BLNK: variants seen among roughly 807,000 people sequenced by gnomAD.
The protein encoded by BLNK is B-cell linker protein.
In BLNK, 29 loss-of-function variants were observed where a neutral mutation model predicts 73.5. The observed-to-expected ratio is 0.39, with a 90% confidence interval of 0.29 to 0.54. The LOEUF (loss-of-function observed/expected upper bound fraction) is 0.54. Ranked by LOEUF, BLNK falls within the 20% of genes least tolerant of loss-of-function variation. BLNK has a pLI of 0.61. For synonymous variants in BLNK, 176 were observed against 200.8 expected, an observed-to-expected ratio of 0.88 and a Z score of 1.04; for missense variants, 460 against 562.8, an observed-to-expected ratio of 0.82 and a Z score of 1.85.
chr10:96,196,867 A>G, intron 16 of BLNK, 41 bp downstream of exon 16: 1 of 1,591,714 alleles, frequency 6.3e-7, no homozygotes, highest in Non-Finnish European at 8.6e-7. Context: ...ATTATACTCA[A>G]TGCATAGTTA....
At chr10:96,256,318 C>T (rs1334782611) in intron 1 of BLNK, among the ~76,000 whole-genome samples, 5 of 152,030 alleles carry the variant, frequency 3.3e-5, no homozygotes, top group Non-Finnish European at 7.4e-5. Flanking sequence ...AAAAATGCAT[C>T]CATGAATACT....
At chr10:96,203,988 A>G (rs1015409404) in intron 13 of BLNK, 69 bp downstream of exon 13, 1 of 1,354,354 alleles carries the variant, frequency 7.4e-7, no homozygotes, top group African/African-American at 1.4e-5. Context: ...GTTAGAACCC[A>G]GGCCTATCAG....
At chr10:96,243,287 G>A (rs1289019433) in intron 2 of BLNK, among the ~76,000 whole-genome samples, 1 of 152,204 alleles carries the variant, frequency 6.6e-6, no homozygotes, top group African/African-American at 2.4e-5. Flanking sequence ...GCTCATTTCT[G>A]TAATCCCAGC....
At chr10:96,245,233 T>C (rs539167703) in intron 2 of BLNK, among the ~76,000 whole-genome samples, 2 of 152,298 alleles carry the variant, frequency 1.3e-5, no homozygotes, top group East Asian at 3.9e-4. Context: ...TTCTTATTTT[T>C]AATTTTAGCA....
chr10:96,248,799 TA>T, intron 1 of BLNK, among the ~76,000 whole-genome samples: 1 of 151,928 alleles, frequency 6.6e-6, no homozygotes, highest in East Asian at 1.9e-4. Flanking sequence ...CACAGACCCC[TA>T]AAAAAAAGAG....
At chr10:96,193,926 C>A (rs2083393063) in intron 16 of BLNK, among the ~76,000 whole-genome samples, 1 of 152,158 alleles carries the variant, frequency 6.6e-6, no homozygotes, top group Non-Finnish European at 1.5e-5. Flanking sequence ...GGGACATAAT[C>A]TTTTTATTAT....
intron 4 of BLNK, among the ~76,000 whole-genome samples, chr10:96,228,344 A>G (rs1282383913): frequency 6.6e-6 from 1 of 151,960 alleles, no homozygotes; most frequent in East Asian, 1.9e-4. Context: ...TGCAACCTCT[A>G]CTTCCTGGGT....
Position 96,242,848 on chromosome 10 carries a change from T to C in BLNK, c.114-64A>G, listed in dbSNP as rs966931931. The stretch of plus-strand genomic sequence containing the variant: ...GAACAATGATGGTCAAAGCCGATGC[T>C]AGAAGCTGATATAGACAGAATAGAT... On this transcript the variant is annotated intron_variant, in intron 2 of 16. Coordinates refer to ENST00000224337, the MANE Select transcript of BLNK (RefSeq NM_013314.4). The C allele has an allele frequency of 6.8e-6, 9 of 1,322,110 alleles. No homozygotes were observed. The African/African-American group carries it at 1.0e-4, about 15-fold the overall frequency. The allele number at this position is 1,322,110 out of a possible 1,614,324, so 81.9% of individuals were successfully genotyped here.
At chr10:96,223,071 C>T (rs1396450676) in intron 6 of BLNK, among the ~76,000 whole-genome samples, 3 of 152,154 alleles carry the variant, frequency 2.0e-5, no homozygotes, top group Non-Finnish European at 1.5e-5. Context: ...GGCAAGTGGG[C>T]TCAAGCATGC....
At chr10:96,227,799 A>G (rs77674477) in intron 4 of BLNK, among the ~76,000 whole-genome samples, 1,557 of 152,340 alleles carry the variant, frequency 0.01, 29 homozygotes, top group African/African-American at 0.036. Context: ...CACAGGAACT[A>G]CTTAACGCTA....
chr10:96,254,511 T>G lies in BLNK; in HGVS notation c.48-7462A>C, dbSNP rs529109713. 2.0e-3 allele frequency among the ~76,000 whole-genome samples: 262 copies of G among 128,870 alleles called. 1 individual carries two copies. Among genetic ancestry groups the G allele is most frequent in the African/African-American group, 8.0e-3 (243 of 30,382 alleles). 84.5% of individuals were successfully genotyped at this position (128,870 alleles called of 152,430 possible). A position where few individuals can be genotyped will look rare whatever the true frequency, so the allele number is the denominator to read the frequency against. ...CCTTCTTCAATGAGTTTTTTTTTTG[T>G]TTTGTTTTGTTTTTTTGAGATGAAG... On this transcript the variant is annotated intron_variant, in intron 1 of 16. Coordinates refer to ENST00000224337, the MANE Select transcript of BLNK (RefSeq NM_013314.4).
chr10:96,210,863 G>GTTTTT (rs377260098), intron 8 of BLNK, among the ~76,000 whole-genome samples: 97 of 121,940 alleles, frequency 8.0e-4, no homozygotes, highest in African/African-American at 1.3e-3. Context: ...CCACAATTCC[G>GTTTTT]TTTTTTTTTT....
chr10:96,218,383 T>A (rs1554900323), intron 6 of BLNK, among the ~76,000 whole-genome samples: 1 of 152,108 alleles, frequency 6.6e-6, no homozygotes. Flanking sequence ...TTTGCTCAAG[T>A]TGTCAAGTTT....
chr10:96,260,380 C>T (rs1843701640), intron 1 of BLNK, among the ~76,000 whole-genome samples: 1 of 152,214 alleles, frequency 6.6e-6, no homozygotes, highest in South Asian at 2.1e-4. Context: ...ACTGACGTCT[C>T]TTAAATCGAA....
At position 96,221,772 on chromosome 10, in the gene BLNK, C is replaced by T. The variant is rs1421416249; in HGVS notation, c.525+2054G>A. ...GCTGGTCTCCCCATCCTGTCCCCTCCCCTGCTCAGCTTCTCTTTGCCACCC... is the reference window on the plus strand; with the variant it reads ...GCTGGTCTCCCCATCCTGTCCCCTCTCCTGCTCAGCTTCTCTTTGCCACCC... On this transcript the variant is annotated intron_variant, in intron 6 of 16. Coordinates refer to ENST00000224337, the MANE Select transcript of BLNK (RefSeq NM_013314.4). Among the ~76,000 whole-genome samples the T allele has an allele frequency of 4.6e-5, 7 of 152,332 alleles. No homozygotes were observed. In the East Asian group the frequency reaches 1.3e-3, roughly 29 times the overall value.
chr10:96,239,345 A>G (rs1274827011), intron 3 of BLNK, among the ~76,000 whole-genome samples: 3 of 152,218 alleles, frequency 2.0e-5, no homozygotes, highest in African/African-American at 7.2e-5. Context: ...CTTCTAGTTC[A>G]GGCCTGCATA....
intron 3 of BLNK, chr10:96,238,783 A>G: frequency 5.0e-6 from 1 of 201,114 alleles, no homozygotes; most frequent in African/African-American, 2.3e-5. Flanking sequence ...AAGCAATAAG[A>G]TGCATTTCCG....
chr10:96,241,130 C>G (rs1554906138), intron 3 of BLNK, among the ~76,000 whole-genome samples: 1 of 152,218 alleles, frequency 6.6e-6, no homozygotes, highest in Non-Finnish European at 1.5e-5. Flanking sequence ...GGTTGGTCAG[C>G]ATTTCTCAGT....
intron 3 of BLNK, among the ~76,000 whole-genome samples, chr10:96,231,504 G>A (rs1320925657): frequency 1.3e-5 from 2 of 152,114 alleles, no homozygotes; most frequent in South Asian, 4.1e-4. Context: ...AGGCAGGAGG[G>A]TTGCTTGAGC....
Sources: allele counts gnomAD v4.1 joint callset (sites outside exome capture counted in the v4.1 genomes callset), GRCh38; gene constraint gnomAD v4.1.1; transcripts MANE v1.5; gene names NCBI Gene and HGNC (gene_info 2026-07-23, HGNC 2026-07-21).